USH1C: variants seen among roughly 807,000 people sequenced by gnomAD.
USH1C encodes the protein USH1 protein network component harmonin.
USH1C carries 90 observed loss-of-function variants against 119.3 expected under a neutral mutation model. The ratio of observed to expected loss-of-function variants is 0.75; its 90% CI spans 0.64 to 0.90. The LOEUF (loss-of-function observed/expected upper bound fraction) is 0.90, where lower values mean the gene tolerates loss of function less well. USH1C is among the 40% of genes least tolerant of loss of function. The pLI is 0.00. For missense variants in USH1C, 1,165 were observed against 1,167.7 expected (o/e 1.00, Z 0.03); for synonymous variants, 465 against 443.3 (o/e 1.05, Z -0.62).
rs552803698 is a variant in USH1C at position 17,533,393 on chromosome 11, G to A, written c.37-71C>T. 3.8e-5 allele frequency: 44 copies of A among 1,168,710 alleles called. No individual in the cohort carries two copies. The East Asian group carries it at 1.0e-3, about 27-fold the overall frequency. 72.4% of individuals were successfully genotyped at this position (1,168,710 alleles called of 1,614,324 possible). A position where few individuals can be genotyped will look rare whatever the true frequency, so the allele number is the denominator to read the frequency against. On this transcript the variant is annotated intron_variant, in intron 1 of 26. Coordinates refer to ENST00000005226, the MANE Select transcript of USH1C (RefSeq NM_153676.4). ...CCCCCATAGCAGACCTCAGGGAGGAGAGGTCATCCCCAAGGGCCTCCCCAG... is the reference window on the plus strand; with the variant it reads ...CCCCCATAGCAGACCTCAGGGAGGAAAGGTCATCCCCAAGGGCCTCCCCAG...
chr11:17,527,055 C>G lies in USH1C; in HGVS notation c.497-15G>C. On this transcript the variant is annotated splice_polypyrimidine_tract_variant and intron_variant, in intron 5 of 26. Coordinates refer to ENST00000005226, the MANE Select transcript of USH1C (RefSeq NM_153676.4). ...CAGGCCGATGTCTGCGGGAGAAAGG[C>G]ACAGGGGTTAGGACAGCTCCCCCGC... 1 of 1,552,808 alleles carries G rather than the reference C, an allele frequency of 6.4e-7. No homozygotes were observed. The highest frequency in any genetic ancestry group is 1.4e-5 in the African/African-American group (1 of 73,248).
chr11:17,511,133 G>A (rs1402659467), intron 16 of USH1C, among the ~76,000 whole-genome samples: 2 of 152,156 alleles, frequency 1.3e-5, no homozygotes, highest in Non-Finnish European at 2.9e-5. Flanking sequence ...AATTATTCAT[G>A]GTGTAAGGTT....
rs762551629 is a variant in USH1C, at chr11:17,521,392, G to C, written c.1039C>G (p.Gln347Glu). The C allele has an allele frequency of 6.2e-7, 1 of 1,614,096 alleles. No individual in the cohort carries two copies. The highest frequency in any genetic ancestry group is 8.5e-7 in the Non-Finnish European group (1 of 1,180,016). ...CTCTCATTTTCCTCTGCTGCCTTCT[G>C]GGCAATTTCTTTTCTCCTTCTGAAA... is the stretch of plus-strand genomic sequence containing the variant. ...MERQRRKEIA[Q>E]KAAEENERYR... The change falls in exon 13 of 27, where the codon CAG (glutamine) becomes GAG (glutamate). Residue 347 changes from glutamine to glutamate, a missense_variant. Gln to Glu is a conservative substitution (Grantham distance 29). Coordinates refer to ENST00000005226, the MANE Select transcript of USH1C (RefSeq NM_153676.4).
intron 15 of USH1C, 44 bp from the exon 16 acceptor site, chr11:17,512,098 G>A (rs1312289570): frequency 1.2e-6 from 2 of 1,606,002 alleles, no homozygotes; most frequent in Non-Finnish European, 1.7e-6. Flanking sequence ...GTTAGAAATA[G>A]TGTCGACAGC....
rs141771249 is a variant in USH1C, at chr11:17,526,429, T to A, written c.592A>T (p.Ser198Cys). ...FVSESGGVRG[S>C]LGSPGNRENK... ...TCCCGATTTCCAGGGGAGCCCAGGC[T>A]GCCTCGCACGCCCTGAAAGAGAGAT... Residue 198 changes from serine (S) to cysteine (C), a missense_variant, in exon 8 of 27, where the codon AGC (serine) becomes TGC (cysteine). Physicochemically the swap from Ser to Cys is moderately radical, Grantham distance 112. Coordinates refer to ENST00000005226, the MANE Select transcript of USH1C (RefSeq NM_153676.4). 2.1e-5 allele frequency: 34 copies of A among 1,613,954 alleles called. No individual in the cohort carries two copies. The highest frequency in any genetic ancestry group is 1.6e-4 in the Middle Eastern group (1 of 6,084).
intron 14 of USH1C, chr11:17,517,357 T>A (rs370395140): frequency 6.5e-7 from 1 of 1,548,396 alleles, no homozygotes; most frequent in Non-Finnish European, 8.7e-7. Flanking sequence ...GCGGGCAGGG[T>A]AAAGCAGAGC....
chr11:17,494,267 G>A lies in USH1C; in HGVS notation c.*65C>T. On this transcript the variant is annotated 3_prime_UTR_variant, in exon 27 of 27. Transcript: ENST00000005226. ...AAGGATGCCATCTGGTGTGTGTAGT[G>A]TGGCCTCTCTCAAGGCTGATCCGAG... The A allele has an allele frequency of 6.5e-7, 1 of 1,545,964 alleles. No homozygotes were observed. The highest frequency in any genetic ancestry group is 8.8e-7 in the Non-Finnish European group (1 of 1,132,148).
intron 1 of USH1C, among the ~76,000 whole-genome samples, chr11:17,537,560 A>G (rs950050153): frequency 1.3e-5 from 2 of 152,130 alleles, no homozygotes; most frequent in African/African-American, 4.8e-5. Flanking sequence ...CTCAGCACAT[A>G]TATTCTGGGT....
chr11:17,500,400 TAAG>T (rs1849390148), intron 23 of USH1C, among the ~76,000 whole-genome samples: 1 of 152,138 alleles, frequency 6.6e-6, no homozygotes, highest in African/African-American at 2.4e-5. Context: ...AGCTGTAAAA[TAAG>T]AATAATAACA....
chr11:17,529,002 G>A (rs1850838868), intron 4 of USH1C, among the ~76,000 whole-genome samples: 1 of 152,212 alleles, frequency 6.6e-6, no homozygotes, highest in Non-Finnish European at 1.5e-5. Context: ...AAACAGTGTC[G>A]TGGGATTTGA....
rs772771714 is a variant in USH1C, at chr11:17,509,761, C to T, written c.1608G>A (p.Leu536=). The T allele has an allele frequency of 1.9e-6, 3 of 1,601,454 alleles. No individual in the cohort carries two copies. The highest frequency in any genetic ancestry group is 4.5e-5 in the East Asian group (2 of 44,816). ...CGTCCAGGTCAGTGGTGTGCAGGTG[C>T]AGTCCGCCTGCGAAGCGTCTCAAGG... is the stretch of plus-strand genomic sequence containing the variant. ...APPLRRFAGG[L]HLHTTDLDDI... Residue 536 remains leucine, a synonymous_variant, in exon 18 of 27, where the codon CTG becomes CTA. Transcript: ENST00000005226.
chr11:17,507,038 C>G (rs572557832), intron 18 of USH1C, among the ~76,000 whole-genome samples: 1 of 152,324 alleles, frequency 6.6e-6, no homozygotes, highest in South Asian at 2.1e-4. Context: ...GAAAACCCCC[C>G]TATGGCCGGT....
chr11:17,526,945 C>T (rs1294192477), intron 6 of USH1C, 71 bp downstream of exon 6: 32 of 1,565,226 alleles, frequency 2.0e-5, no homozygotes, highest in South Asian at 1.1e-4. Context: ...TGGTGGGAGC[C>T]GGACCCCAGG....
chr11:17,496,821 G>A lies in USH1C; in HGVS notation c.2491-8C>T. The A allele has an allele frequency of 1.2e-6, 2 of 1,614,118 alleles. No homozygotes were observed. Among genetic ancestry groups the A allele is most frequent in the African/African-American group, 1.3e-5 (1 of 75,060 alleles). ...CACAAGGTCGATCCAGTCCTGTGGG[G>A]AGAAGCCGTGTGACTCTGGGGCACA... On this transcript the variant is annotated splice_region_variant and splice_polypyrimidine_tract_variant and intron_variant, in intron 24 of 26. Coordinates refer to ENST00000005226, the MANE Select transcript of USH1C (RefSeq NM_153676.4).
intron 23 of USH1C, among the ~76,000 whole-genome samples, chr11:17,499,277 G>A (rs1849352499): frequency 1.3e-5 from 2 of 152,354 alleles, no homozygotes; most frequent in Admixed American, 1.3e-4. Context: ...GGAATGTGGT[G>A]TATGATACTG....
intron 1 of USH1C, 119 bp from the exon 2 acceptor site, chr11:17,533,441 TGAGGA>T (rs2133929913): frequency 1.3e-6 from 1 of 771,518 alleles, no homozygotes; most frequent in South Asian, 1.4e-5. Context: ...GCTGGAGTTG[TGAGGA>T]GAGAAGAGGA....
At chr11:17,526,544 G>T in intron 7 of USH1C, 103 bp from the exon 8 acceptor site, 5 of 1,182,186 alleles carry the variant, frequency 4.2e-6, no homozygotes, top group Non-Finnish European at 6.2e-6. Context: ...ACTCACGCCA[G>T]CCAGATCATC....
intron 1 of USH1C, among the ~76,000 whole-genome samples, chr11:17,537,459 C>T (rs529523855): frequency 1.3e-5 from 2 of 152,204 alleles, no homozygotes; most frequent in Non-Finnish European, 2.9e-5. Context: ...CAGTGGCGTC[C>T]GTTGATGAAA....
In USH1C at chr11:17,526,829, A is replaced by G. The variant is rs773393984; in HGVS notation, c.522-19T>C. ...AGGAGAGCTGATGGGAAGGGAAAATAGATGGGAGGGTGGTTAGCGAGAGAC... is the reference window on the plus strand; with the variant it reads ...AGGAGAGCTGATGGGAAGGGAAAATGGATGGGAGGGTGGTTAGCGAGAGAC... On this transcript the variant is annotated intron_variant, in intron 6 of 26. Transcript: ENST00000005226. The G allele has an allele frequency of 6.2e-7, 1 of 1,611,726 alleles. No homozygotes were observed. The highest frequency in any genetic ancestry group is 1.3e-5 in the African/African-American group (1 of 74,372).
Sources: gnomAD v4.1 joint callset for allele counts (sites outside exome capture counted in the v4.1 genomes callset) on GRCh38, gnomAD v4.1.1 for gene constraint, MANE v1.5 for transcripts, NCBI Gene and HGNC (gene_info 2026-07-23, HGNC 2026-07-21) for gene names.